The following SH3RF2 variants were observed in gnomAD, a reference collection of about 807,000 sequenced individuals.
SH3RF2 encodes E3 ubiquitin-protein ligase SH3RF2.
A neutral mutation model predicts 59.0 loss-of-function variants in SH3RF2; 43 were observed. The observed-to-expected ratio is 0.73, with a 90% CI of 0.57 to 0.94. The LOEUF is 0.94. Among genes scored for constraint, SH3RF2 ranks in the 40% least tolerant of loss-of-function variants. SH3RF2 has a pLI of 0.00. For synonymous variants in SH3RF2, 391 were observed against 391.5 expected (o/e 1.00, Z 0.01); for missense variants, 930 against 940.1 (o/e 0.99, Z 0.14).
At chr5:145,950,627 A>G (rs1037788823) in intron 2 of SH3RF2, among the ~76,000 whole-genome samples, 1 of 152,168 alleles carries the variant, frequency 6.6e-6, no homozygotes, top group Admixed American at 6.5e-5. Context: ...GACAATAGAA[A>G]TAAAAACCGG....
intron 5 of SH3RF2, among the ~76,000 whole-genome samples, chr5:146,037,906 G>A (rs894167106): frequency 6.6e-6 from 1 of 152,108 alleles, no homozygotes; most frequent in African/African-American, 2.4e-5. Flanking sequence ...GCTTCACTCA[G>A]GAACACAGAT....
intron 5 of SH3RF2, among the ~76,000 whole-genome samples, chr5:146,024,367 G>A (rs568426354): frequency 3.9e-5 from 6 of 152,306 alleles, no homozygotes; most frequent in East Asian, 1.9e-4. Context: ...TAGTGCATGT[G>A]TTCTTTGGAG....
intron 2 of SH3RF2, among the ~76,000 whole-genome samples, chr5:145,983,682 G>T (rs1759593004): frequency 6.6e-6 from 1 of 152,156 alleles, no homozygotes; most frequent in African/African-American, 2.4e-5. Flanking sequence ...GCTCTCTCCT[G>T]TTCCCTTTGC....
intron 2 of SH3RF2, among the ~76,000 whole-genome samples, chr5:145,957,716 G>A (rs572916707): frequency 3.9e-5 from 6 of 151,926 alleles, no homozygotes; most frequent in Non-Finnish European, 8.8e-5. Context: ...GTGGAGTGGG[G>A]GTCTGCCTAA....
intron 5 of SH3RF2, among the ~76,000 whole-genome samples, chr5:146,031,189 G>T (rs1008620125): frequency 6.6e-6 from 1 of 152,146 alleles, no homozygotes; most frequent in African/African-American, 2.4e-5. Context: ...ATGCCCCCAG[G>T]TTGGAATTCT....
intron 5 of SH3RF2, among the ~76,000 whole-genome samples, chr5:146,039,514 T>C (rs1327549704): frequency 3.3e-5 from 5 of 149,426 alleles, no homozygotes; most frequent in African/African-American, 9.8e-5. Context: ...TAAAGCTCAC[T>C]GGTACTCAGA....
rs370065264 is a variant in SH3RF2 at position 146,012,839 on chromosome 5, G to T, written c.745-908G>T. 1.8e-4 allele frequency among the ~76,000 whole-genome samples: 27 copies of T among 152,230 alleles called. No individual in the cohort carries two copies. In the South Asian group the frequency reaches 5.6e-3, roughly 32 times the overall value. On this transcript the variant is annotated intron_variant, in intron 4 of 9. Coordinates refer to ENST00000359120, the MANE Select transcript of SH3RF2 (RefSeq NM_152550.4). ...TGGGGAAGACAGACATAACACAGTG[G>T]TGTACTGGAGTTGGCTGGAACTAGA...
At chr5:146,046,785 A>G (rs1762319272) in intron 5 of SH3RF2, among the ~76,000 whole-genome samples, 1 of 150,312 alleles carries the variant, frequency 6.7e-6, no homozygotes, top group Non-Finnish European at 1.5e-5. Context: ...TTTTTTTGAG[A>G]TAGGGTCTCA....
At chr5:145,968,560 A>G (rs1758952330) in intron 2 of SH3RF2, among the ~76,000 whole-genome samples, 1 of 152,210 alleles carries the variant, frequency 6.6e-6, no homozygotes, top group Admixed American at 6.5e-5. Context: ...ATATGATGTG[A>G]GTCACATATG....
At position 145,959,732 on chromosome 5, in the gene SH3RF2, T is replaced by C. The variant is rs115368073; in HGVS notation, c.378+21426T>C. 7.4e-3 allele frequency among the ~76,000 whole-genome samples: 1,126 copies of C among 152,000 alleles called. 14 individuals carry two copies. Among genetic ancestry groups the C allele is most frequent in the African/African-American group, 0.026 (1,064 of 41,408 alleles). Reference sequence around the variant, plus strand: ...AATATTAGGTTGTTCACAGAACCTCTAGGAGGGCTGAAGGACTGGTTTGAG... The same window carrying C: ...AATATTAGGTTGTTCACAGAACCTCCAGGAGGGCTGAAGGACTGGTTTGAG... On this transcript the variant is annotated intron_variant, in intron 2 of 9. Transcript: ENST00000359120.
chr5:145,978,171 A>G (rs1265250412), intron 2 of SH3RF2, among the ~76,000 whole-genome samples: 1 of 152,176 alleles, frequency 6.6e-6, no homozygotes, highest in Non-Finnish European at 1.5e-5. Flanking sequence ...CATATTCCTG[A>G]AATCAGATTC....
chr5:146,049,071 C>T lies in SH3RF2; in HGVS notation c.1152-4C>T. 6.2e-7 allele frequency: 1 copy of T among 1,614,006 alleles called. No individual in the cohort carries two copies. Among genetic ancestry groups the T allele is most frequent in the Non-Finnish European group, 8.5e-7 (1 of 1,179,986 alleles). On this transcript the variant is annotated splice_polypyrimidine_tract_variant and splice_region_variant and intron_variant, in intron 6 of 9. Transcript: ENST00000359120. ...TCCCTCACCAGTTCTCTGTGTCTTC[C>T]CAGGTTTGTAGCCCTGCACTCCTAC...
rs759253454 is a variant in SH3RF2, at chr5:146,055,956, TA to T, written c.1323-15del. On this transcript the variant is annotated intron_variant, in intron 7 of 9. Transcript: ENST00000359120. ...CATTTTCTTTCTCTATTTCTTCTCTTAAAAAAAAAATTTTCCAAAACCAGAA... is the reference window on the plus strand; with the variant it reads ...CATTTTCTTTCTCTATTTCTTCTCTTAAAAAAAAATTTTCCAAAACCAGAA... 4.4e-4 allele frequency: 661 copies of T among 1,498,288 alleles called. No homozygotes were observed. Among genetic ancestry groups the T allele is most frequent in the Admixed American group, 1.3e-3 (71 of 53,710 alleles). The allele number at this position is 1,498,288 out of a possible 1,614,324, so 92.8% of individuals were successfully genotyped here. A position where few individuals can be genotyped will look rare whatever the true frequency, so the allele number is the denominator to read the frequency against.
chr5:145,964,294 TCC>T (rs1312969439), intron 2 of SH3RF2, among the ~76,000 whole-genome samples: 7 of 139,434 alleles, frequency 5.0e-5, no homozygotes, highest in South Asian at 2.4e-4. Context: ...CTTCCTTCCT[TCC>T]TTCCTTCCTT....
intron 5 of SH3RF2, among the ~76,000 whole-genome samples, chr5:146,044,147 T>G (rs1762222354): frequency 1.5e-5 from 1 of 66,358 alleles, no homozygotes; most frequent in Admixed American, 1.6e-4. Flanking sequence ...TTGTTTTTTT[T>G]TGTTTTTTTT....
chr5:146,017,023 G>A (rs1761130255), intron 5 of SH3RF2, among the ~76,000 whole-genome samples: 1 of 152,146 alleles, frequency 6.6e-6, no homozygotes, highest in Non-Finnish European at 1.5e-5. Context: ...AACCCCAAGG[G>A]GTAGCATTTT....
At chr5:146,072,302 A>G (rs1177702003) in intron 9 of SH3RF2, among the ~76,000 whole-genome samples, 1 of 152,188 alleles carries the variant, frequency 6.6e-6, no homozygotes, top group Non-Finnish European at 1.5e-5. Context: ...GGGACCCAGA[A>G]GTGGTAGCTG....
chr5:146,016,087 C>G (rs1231904017), intron 5 of SH3RF2, among the ~76,000 whole-genome samples: 1 of 152,112 alleles, frequency 6.6e-6, no homozygotes, highest in Non-Finnish European at 1.5e-5. Context: ...CTCAATAAAT[C>G]AAGGAATCAA....
At chr5:145,976,278 A>G (rs1326277019) in intron 2 of SH3RF2, among the ~76,000 whole-genome samples, 1 of 152,146 alleles carries the variant, frequency 6.6e-6, no homozygotes, top group Non-Finnish European at 1.5e-5. Flanking sequence ...CTGAGCTTCC[A>G]GTTCTTCACC....
Sources: allele counts gnomAD v4.1 joint callset (sites outside exome capture counted in the v4.1 genomes callset), GRCh38; gene constraint gnomAD v4.1.1; transcripts MANE v1.5; gene names NCBI Gene and HGNC (gene_info 2026-07-23, HGNC 2026-07-21).